Variants in KCNH8 observed in about 807,000 individuals in gnomAD.
The protein encoded by KCNH8 is voltage-gated delayed rectifier potassium channel KCNH8.
Under a neutral mutation model 103.6 loss-of-function variants are expected in KCNH8, and 70 were observed. The observed-to-expected ratio is 0.68, with a 90% CI of 0.56 to 0.82. The LOEUF is 0.82. Ranked by LOEUF, KCNH8 falls within the 40% of genes least tolerant of loss-of-function variation. KCNH8 has a pLI of 0.00. For synonymous variants in KCNH8, 498 were observed against 489.4 expected, an observed-to-expected ratio of 1.02 and a Z score of -0.23; for missense variants, 1,217 against 1,329.9, an observed-to-expected ratio of 0.92 and a Z score of 1.32.
intron 11 of KCNH8, among the ~76,000 whole-genome samples, chr3:19,509,388 G>A (rs2068746850): frequency 6.6e-6 from 1 of 151,984 alleles, no homozygotes; most frequent in African/African-American, 2.4e-5. Flanking sequence ...TTTTTCATGT[G>A]AATAAAATCA....
chr3:19,473,282 C>G (rs1015508617), intron 11 of KCNH8, among the ~76,000 whole-genome samples: 1 of 152,118 alleles, frequency 6.6e-6, no homozygotes, highest in Non-Finnish European at 1.5e-5. Flanking sequence ...TAACTTAATT[C>G]TATTGCTTGT....
intron 11 of KCNH8, among the ~76,000 whole-genome samples, chr3:19,473,758 A>G (rs1026919129): frequency 2.6e-5 from 4 of 152,350 alleles, no homozygotes; most frequent in Non-Finnish European, 5.9e-5. Context: ...AACTTCTTGT[A>G]TACACACACA....
chr3:19,248,268 C>T (rs1370776591), intron 1 of KCNH8, among the ~76,000 whole-genome samples: 6 of 152,100 alleles, frequency 3.9e-5, no homozygotes, highest in African/African-American at 9.7e-5. Context: ...ATTAAAAGCA[C>T]GTGAGATTAG....
At chr3:19,454,603 A>G (rs1321818656) in intron 10 of KCNH8, among the ~76,000 whole-genome samples, 1 of 152,190 alleles carries the variant, frequency 6.6e-6, no homozygotes, top group African/African-American at 2.4e-5. Flanking sequence ...CTAGAGCACA[A>G]TAAGTACAGA....
chr3:19,283,942 A>G (rs1220236421), intron 3 of KCNH8, among the ~76,000 whole-genome samples: 1 of 137,386 alleles, frequency 7.3e-6, no homozygotes, highest in Admixed American at 7.1e-5. Context: ...ACCCTGTCTC[A>G]AAAAAAAAAA....
chr3:19,183,496 G>C (rs2063475840), intron 1 of KCNH8, among the ~76,000 whole-genome samples: 1 of 152,160 alleles, frequency 6.6e-6, no homozygotes, highest in South Asian at 2.1e-4. Context: ...TGATATAGGG[G>C]AGAGTTAACA....
At chr3:19,504,611 C>A (rs544114884) in intron 11 of KCNH8, among the ~76,000 whole-genome samples, 1 of 151,974 alleles carries the variant, frequency 6.6e-6, no homozygotes, top group East Asian at 1.9e-4. Context: ...TAGAGAAATG[C>A]AAATCAAAAC....
intron 5 of KCNH8, among the ~76,000 whole-genome samples, chr3:19,382,279 T>C (rs1178985561): frequency 6.6e-6 from 1 of 152,156 alleles, no homozygotes; most frequent in Non-Finnish European, 1.5e-5. Context: ...TAGTAAATCA[T>C]GTTTTGGTGG....
At chr3:19,196,010 T>C (rs528174054) in intron 1 of KCNH8, among the ~76,000 whole-genome samples, 1 of 152,144 alleles carries the variant, frequency 6.6e-6, no homozygotes, top group African/African-American at 2.4e-5. Context: ...GTTCATTTCC[T>C]TTTTTAAAAA....
At chr3:19,219,278 C>T (rs1301945254) in intron 1 of KCNH8, among the ~76,000 whole-genome samples, 2 of 152,176 alleles carry the variant, frequency 1.3e-5, no homozygotes, top group Admixed American at 1.3e-4. Flanking sequence ...TATTTAAAAT[C>T]TTACCCCAAC....
intron 2 of KCNH8, among the ~76,000 whole-genome samples, chr3:19,272,546 T>C (rs919292940): frequency 1.3e-5 from 2 of 152,098 alleles, no homozygotes; most frequent in African/African-American, 2.4e-5. Context: ...AGAACTGTGC[T>C]GCAATCTAGA....
At chr3:19,280,371 T>G (rs1414404622) in intron 2 of KCNH8, among the ~76,000 whole-genome samples, 1 of 152,060 alleles carries the variant, frequency 6.6e-6, no homozygotes. Flanking sequence ...ATAAAGATCA[T>G]GTAACAAAAC....
chr3:19,422,782 G>C (rs113198925), intron 7 of KCNH8, among the ~76,000 whole-genome samples: 23 of 151,990 alleles, frequency 1.5e-4, no homozygotes, highest in Admixed American at 5.9e-4. Context: ...CAAAGCAGTC[G>C]GCCTAGTATT....
At chr3:19,472,238 GTGTGTGTGTT>G (rs1307995456) in intron 11 of KCNH8, among the ~76,000 whole-genome samples, 1 of 111,746 alleles carries the variant, frequency 8.9e-6, no homozygotes, top group African/African-American at 4.0e-5. Context: ...GTGTGTGTGT[GTGTGTGTGTT>G]AATGTCCACA....
intron 3 of KCNH8, among the ~76,000 whole-genome samples, chr3:19,319,174 T>A (rs1235120417): frequency 6.6e-6 from 1 of 152,106 alleles, no homozygotes; most frequent in East Asian, 1.9e-4. Flanking sequence ...TTTCATTAAG[T>A]CCCATCTATT....
At chr3:19,410,160 A>T (rs983682622) in intron 7 of KCNH8, among the ~76,000 whole-genome samples, 1 of 152,170 alleles carries the variant, frequency 6.6e-6, no homozygotes, top group African/African-American at 2.4e-5. Flanking sequence ...GTCTCAATAA[A>T]TTTTTTTAAA....
At chr3:19,257,098 T>C (rs1559445998) in intron 2 of KCNH8, among the ~76,000 whole-genome samples, 1 of 152,038 alleles carries the variant, frequency 6.6e-6, no homozygotes, top group South Asian at 2.1e-4. Context: ...CTTAAAAATA[T>C]GTCTGGATTT....
chr3:19,235,959 T>A (rs1448064678), intron 1 of KCNH8, among the ~76,000 whole-genome samples: 1 of 152,260 alleles, frequency 6.6e-6, no homozygotes, highest in Non-Finnish European at 1.5e-5. Flanking sequence ...TAGGGCCTTG[T>A]AGTTAGAGAT....
At chr3:19,463,018 G>GT (rs774106979) in intron 11 of KCNH8, among the ~76,000 whole-genome samples, 6 of 152,008 alleles carry the variant, frequency 3.9e-5, no homozygotes, top group Non-Finnish European at 8.8e-5. Flanking sequence ...ATGTACACAC[G>GT]TTTTTTCTTA....
Sources: gnomAD v4.1 joint callset for allele counts (sites outside exome capture counted in the v4.1 genomes callset) on GRCh38, gnomAD v4.1.1 for gene constraint, MANE v1.5 for transcripts, NCBI Gene and HGNC (gene_info 2026-07-23, HGNC 2026-07-21) for gene names.